The following AGBL1 variants were observed in gnomAD, a reference collection of about 807,000 sequenced individuals.
AGBL1 encodes the protein AGBL carboxypeptidase 1, also known as cytosolic carboxypeptidase 4.
AGBL1 carries 130 observed loss-of-function variants against 118.9 expected under a neutral mutation model. The observed-to-expected ratio is 1.09, with a 90% confidence interval of 0.95 to 1.26. The LOEUF is 1.26. Among genes scored for constraint, AGBL1 ranks in the 50% most tolerant of loss-of-function variants. The pLI is 0.00. For synonymous variants in AGBL1, 555 were observed against 478.9 expected (o/e 1.16, Z -2.08); for missense variants, 1,584 against 1,298.1 (o/e 1.22, Z -3.38).
chr15:86,577,501 G>A (rs1453226965), intron 21 of AGBL1, among the ~76,000 whole-genome samples: 1 of 152,190 alleles, frequency 6.6e-6, no homozygotes, highest in Non-Finnish European at 1.5e-5. Context: ...TGAAATTCAA[G>A]ACAGCTGAAG....
At chr15:86,547,096 C>A (rs1351039070) in intron 20 of AGBL1, among the ~76,000 whole-genome samples, 1 of 152,154 alleles carries the variant, frequency 6.6e-6, no homozygotes, top group Non-Finnish European at 1.5e-5. Context: ...TCAATACAAC[C>A]ACCCCAAGGC....
chr15:86,560,048 G>A lies in AGBL1; in HGVS notation c.2994+5511G>A, dbSNP rs1009559420. On this transcript the variant is annotated intron_variant, in intron 21 of 22. Transcript: ENST00000614907. ...ATTATGTTGACCAAGTTTTTTGCTG[G>A]GTATCCAAGGGACTTATGGATCACC... is the stretch of plus-strand genomic sequence containing the variant. Among the ~76,000 whole-genome samples the A allele has an allele frequency of 2.2e-4, 33 of 152,074 alleles. 1 individual carries two copies. Among genetic ancestry groups the A allele is most frequent in the African/African-American group, 7.5e-4 (31 of 41,388 alleles).
chr15:86,433,763 C>A (rs2081968746), intron 18 of AGBL1, among the ~76,000 whole-genome samples: 1 of 152,096 alleles, frequency 6.6e-6, no homozygotes, highest in Non-Finnish European at 1.5e-5. Context: ...TTAATGTATC[C>A]ACTAATACAA....
At chr15:86,337,281 C>T (rs1279452157) in intron 17 of AGBL1, among the ~76,000 whole-genome samples, 1 of 151,842 alleles carries the variant, frequency 6.6e-6, no homozygotes, top group Non-Finnish European at 1.5e-5. Flanking sequence ...TCATGTTGTG[C>T]AAGAATTCAG....
chr15:86,598,051 G>C (rs2084436621), intron 21 of AGBL1, among the ~76,000 whole-genome samples: 1 of 152,040 alleles, frequency 6.6e-6, no homozygotes, highest in Non-Finnish European at 1.5e-5. Flanking sequence ...TTGTCTGGCT[G>C]TTGTCTGTAA....
At chr15:86,216,381 C>T (rs981153322) in intron 5 of AGBL1, among the ~76,000 whole-genome samples, 1 of 152,106 alleles carries the variant, frequency 6.6e-6, no homozygotes, top group Non-Finnish European at 1.5e-5. Flanking sequence ...CATTAAGTAT[C>T]ATATTAACTG....
chr15:86,689,014 G>A (rs1324652993), intron 22 of AGBL1, among the ~76,000 whole-genome samples: 2 of 152,190 alleles, frequency 1.3e-5, no homozygotes, highest in East Asian at 1.9e-4. Flanking sequence ...ATACTTTTGC[G>A]AATTACTCGT....
Position 86,491,877 on chromosome 15 carries a change from G to C in AGBL1, c.2556-30933G>C, listed in dbSNP as rs906109937. 1.3e-4 allele frequency among the ~76,000 whole-genome samples: 20 copies of C among 152,012 alleles called. 1 individual carries two copies. The highest frequency in any genetic ancestry group is 1.2e-3 in the Admixed American group (19 of 15,238). On this transcript the variant is annotated intron_variant, in intron 18 of 22. Coordinates refer to ENST00000614907, the MANE Select transcript of AGBL1 (RefSeq NM_001386094.1). ...CTGTGTGTGGGGGGTGGGGGGCGTG[G>C]AGCATAGTGAAAGAATGGGAGTACA...
intron 23 of AGBL1, among the ~76,000 whole-genome samples, chr15:86,962,597 G>C (rs1417677271): frequency 1.3e-5 from 2 of 152,008 alleles, no homozygotes; most frequent in Non-Finnish European, 2.9e-5. Context: ...ATGATGCAGA[G>C]TAAATAAATT....
intron 5 of AGBL1, among the ~76,000 whole-genome samples, chr15:86,216,721 A>G (rs2078195998): frequency 6.6e-6 from 1 of 152,178 alleles, no homozygotes; most frequent in Non-Finnish European, 1.5e-5. Flanking sequence ...GTCCTTTAAA[A>G]AAAATGTAGA....
intron 22 of AGBL1, among the ~76,000 whole-genome samples, chr15:86,757,031 T>A (rs771358435): frequency 6.6e-6 from 1 of 151,676 alleles, no homozygotes; most frequent in Admixed American, 6.6e-5. Context: ...GAGACTGTCA[T>A]ATATTGGCTT....
intron 20 of AGBL1, among the ~76,000 whole-genome samples, chr15:86,549,861 G>T (rs1168062293): frequency 1.4e-5 from 2 of 143,360 alleles, no homozygotes; most frequent in Non-Finnish European, 3.1e-5. Flanking sequence ...GAGAGGAGGG[G>T]AGGGGAAGGG....
At chr15:86,726,899 G>A (rs536419548) in intron 22 of AGBL1, among the ~76,000 whole-genome samples, 12 of 152,238 alleles carry the variant, frequency 7.9e-5, no homozygotes, top group Admixed American at 7.2e-4. Context: ...AGGTTTTAGT[G>A]GCAGTTAGTT....
At chr15:87,020,084 G>T (rs1047555844) in intron 24 of AGBL1, among the ~76,000 whole-genome samples, 2 of 151,754 alleles carry the variant, frequency 1.3e-5, no homozygotes, top group African/African-American at 2.4e-5. Context: ...TCCCTGAAGA[G>T]ACCAATAATA....
chr15:86,360,736 G>A (rs1241698779), intron 17 of AGBL1, among the ~76,000 whole-genome samples: 1 of 151,716 alleles, frequency 6.6e-6, no homozygotes, highest in Non-Finnish European at 1.5e-5. Flanking sequence ...GGTATGTTCA[G>A]GATTTCTGTT....
chr15:86,143,982 G>A, intron 3 of AGBL1, 137 bp downstream of exon 3: 1 of 1,104,558 alleles, frequency 9.1e-7, no homozygotes, highest in Non-Finnish European at 1.3e-6. Flanking sequence ...GATGGTGATG[G>A]CAGGACCAGC....
rs78147317 is a variant in AGBL1, at chr15:86,835,068, C to A, written c.3159-72019C>A. Among the ~76,000 whole-genome samples, 1,461 of 152,216 alleles carry A rather than the reference C, an allele frequency of 9.6e-3. 60 individuals carry two copies. The East Asian group carries it at 0.15, about 15-fold the overall frequency. On this transcript the variant is annotated intron_variant, in intron 22 of 22. Coordinates refer to ENST00000614907, the MANE Select transcript of AGBL1 (RefSeq NM_001386094.1). ...GGACTCTCTTGTCTGAGTCACTTCCCTTTTCCAGGCTCTTGCTTCCCTAGT... is the reference window on the plus strand; with the variant it reads ...GGACTCTCTTGTCTGAGTCACTTCCATTTTCCAGGCTCTTGCTTCCCTAGT...
chr15:86,754,508 A>G (rs980653482), intron 22 of AGBL1, among the ~76,000 whole-genome samples: 8 of 152,182 alleles, frequency 5.3e-5, no homozygotes, highest in African/African-American at 1.9e-4. Context: ...TGGCAAGAAG[A>G]GAGTACACAT....
chr15:86,360,084 G>C (rs948257605), intron 17 of AGBL1, among the ~76,000 whole-genome samples: 1 of 151,960 alleles, frequency 6.6e-6, no homozygotes, highest in Non-Finnish European at 1.5e-5. Context: ...ATGCTGAATA[G>C]AGGTGGTAAG....
Sources: allele counts gnomAD v4.1 joint callset (sites outside exome capture counted in the v4.1 genomes callset), GRCh38; gene constraint gnomAD v4.1.1; transcripts MANE v1.5; gene names NCBI Gene and HGNC (gene_info 2026-07-23, HGNC 2026-07-21).